CCDC172: variants seen among roughly 807,000 people sequenced by gnomAD.
The protein encoded by CCDC172 is coiled-coil domain-containing protein 172.
A neutral mutation model predicts 38.0 loss-of-function variants in CCDC172; 30 were observed. The ratio of observed to expected loss-of-function variants is 0.79; its 90% CI spans 0.59 to 1.07. The LOEUF is 1.07. Ranked by LOEUF, CCDC172 falls within the 50% of genes least tolerant of loss-of-function variation. The pLI is 0.00. For synonymous variants in CCDC172, 78 were observed against 88.3 expected, an observed-to-expected ratio of 0.88 and a Z score of 0.66; for missense variants, 297 against 290.1, an observed-to-expected ratio of 1.02 and a Z score of -0.17.
chr10:116,334,262 A>G (rs900773530), intron 3 of CCDC172, among the ~76,000 whole-genome samples: 16 of 152,216 alleles, frequency 1.1e-4, no homozygotes, highest in Non-Finnish European at 2.4e-4. Flanking sequence ...TTCCTGGGAA[A>G]TTCTGAGGCC....
intron 5 of CCDC172, among the ~76,000 whole-genome samples, chr10:116,354,035 A>G (rs996446228): frequency 6.6e-6 from 1 of 152,226 alleles, no homozygotes; most frequent in Non-Finnish European, 1.5e-5. Flanking sequence ...AAGACCTTGT[A>G]CAGTCGTGCA....
At chr10:116,378,574 T>G in intron 8 of CCDC172, 64 bp downstream of exon 8, 1 of 1,272,318 alleles carries the variant, frequency 7.9e-7, no homozygotes, top group Non-Finnish European at 1.1e-6. Flanking sequence ...AAGGAACGGT[T>G]TTACTGGTGT....
chr10:116,325,912 G>A (rs1179540727), intron 3 of CCDC172, among the ~76,000 whole-genome samples: 1 of 152,194 alleles, frequency 6.6e-6, no homozygotes, highest in South Asian at 2.1e-4. Flanking sequence ...AAAGAAGCAA[G>A]AGAGTCTGAT....
At chr10:116,374,223 A>G (rs1242386513) in intron 7 of CCDC172, among the ~76,000 whole-genome samples, 1 of 152,132 alleles carries the variant, frequency 6.6e-6, no homozygotes, top group Admixed American at 6.6e-5. Flanking sequence ...TCACATGAGT[A>G]GTGATGCTGG....
chr10:116,359,878 C>T (rs999406995), intron 7 of CCDC172, among the ~76,000 whole-genome samples: 1 of 151,964 alleles, frequency 6.6e-6, no homozygotes, highest in African/African-American at 2.4e-5. Context: ...CTTAATATGC[C>T]ATGTTCAGGT....
intron 5 of CCDC172, among the ~76,000 whole-genome samples, chr10:116,346,854 A>G (rs1406356522): frequency 2.0e-5 from 3 of 152,058 alleles, no homozygotes; most frequent in Non-Finnish European, 4.4e-5. Flanking sequence ...AATAGCAGGG[A>G]CTTTATTTTG....
At chr10:116,342,251 T>C (rs182338368) in intron 5 of CCDC172, 50 bp downstream of exon 5, 22 of 1,469,404 alleles carry the variant, frequency 1.5e-5, no homozygotes, top group Admixed American at 2.8e-5. Context: ...AAATAACTTA[T>C]TTTGAATGAA....
intron 5 of CCDC172, among the ~76,000 whole-genome samples, chr10:116,349,036 TCAG>T (rs1282416172): frequency 1.3e-5 from 2 of 152,078 alleles, no homozygotes; most frequent in Admixed American, 1.3e-4. Flanking sequence ...TCCTATCAGA[TCAG>T]CAGCAGTTAT....
intron 2 of CCDC172, 90 bp downstream of exon 2, chr10:116,325,180 A>G: frequency 4.0e-6 from 6 of 1,507,138 alleles, no homozygotes; most frequent in Non-Finnish European, 5.5e-6. Context: ...CAGTGGTCAG[A>G]GCCGTTAGGG....
chr10:116,366,749 C>G (rs1463830516), intron 7 of CCDC172, among the ~76,000 whole-genome samples: 2 of 152,162 alleles, frequency 1.3e-5, no homozygotes, highest in East Asian at 3.9e-4. Flanking sequence ...AGACTATTTT[C>G]CAGTGTGATT....
chr10:116,352,210 T>A (rs905552218), intron 5 of CCDC172, among the ~76,000 whole-genome samples: 1 of 152,210 alleles, frequency 6.6e-6, no homozygotes, highest in African/African-American at 2.4e-5. Context: ...AAAATTCTTA[T>A]AAACAAGATT....
intron 7 of CCDC172, among the ~76,000 whole-genome samples, chr10:116,375,037 TC>T (rs1304553510): frequency 6.6e-6 from 1 of 152,174 alleles, no homozygotes; most frequent in Non-Finnish European, 1.5e-5. Context: ...CTTATGCTTT[TC>T]TTTGTATTTC....
chr10:116,327,342 C>G (rs977531426), intron 3 of CCDC172, among the ~76,000 whole-genome samples: 2 of 151,936 alleles, frequency 1.3e-5, no homozygotes, highest in Non-Finnish European at 2.9e-5. Context: ...AGTTTTGTAT[C>G]TTGTTTAGGT....
Sources: allele counts gnomAD v4.1 joint callset (sites outside exome capture counted in the v4.1 genomes callset), GRCh38; gene constraint gnomAD v4.1.1; transcripts MANE v1.5; gene names NCBI Gene and HGNC (gene_info 2026-07-23, HGNC 2026-07-21).